CBLB: variants seen among roughly 807,000 people sequenced by gnomAD.
CBLB encodes Cbl proto-oncogene B, also known as E3 ubiquitin-protein ligase CBL-B.
A neutral mutation model predicts 104.9 loss-of-function variants in CBLB; 31 were observed. The observed-to-expected ratio is 0.30, with a 90% CI of 0.22 to 0.40. The LOEUF (loss-of-function observed/expected upper bound fraction) is 0.40, where lower values mean the gene tolerates loss of function less well. Ranked by LOEUF, CBLB falls within the 10% of genes least tolerant of loss-of-function variation. The probability of loss-of-function intolerance (pLI) is 1.00; values close to 1 mark genes in which losing one functional copy is unlikely to be tolerated. For missense variants in CBLB, 1,062 were observed against 1,214.6 expected (o/e 0.87, Z 1.87); for synonymous variants, 440 against 422.6 (o/e 1.04, Z -0.51).
At chr3:105,663,390 G>C (rs1375787617) in intron 18 of CBLB, among the ~76,000 whole-genome samples, 1 of 152,158 alleles carries the variant, frequency 6.6e-6, no homozygotes, top group African/African-American at 2.4e-5. Context: ...GCAGGGATGA[G>C]GAGGTAACGA....
intron 3 of CBLB, among the ~76,000 whole-genome samples, chr3:105,841,723 G>A (rs1294298258): frequency 1.3e-5 from 2 of 152,058 alleles, no homozygotes; most frequent in Non-Finnish European, 2.9e-5. Context: ...AAAGTGCTGG[G>A]ATTACAGGTG....
Position 105,658,316 on chromosome 3 carries a change from T to C in CBLB, c.*654A>G, listed in dbSNP as rs1255071061. Reference sequence around the variant, plus strand: ...AGGCAGTTTATTGACAAATAAATGCTTTATACATTCAGGTTTTTCCCATCT... The same window carrying C: ...AGGCAGTTTATTGACAAATAAATGCCTTATACATTCAGGTTTTTCCCATCT... On this transcript the variant is annotated 3_prime_UTR_variant, in exon 19 of 19. Transcript: ENST00000394030. 3 of 221,880 alleles carry C rather than the reference T, an allele frequency of 1.4e-5. No homozygotes were observed. Among genetic ancestry groups the C allele is most frequent in the Admixed American group, 5.8e-5 (1 of 17,382 alleles). 13.7% of individuals were successfully genotyped at this position (221,880 alleles called of 1,614,324 possible).
rs187496131 is a variant in CBLB at position 105,809,538 on chromosome 3, G to C, written c.420-32996C>G. On this transcript the variant is annotated intron_variant, in intron 3 of 18. Transcript: ENST00000394030. ...ACATACAGTCTACCAAGAATCACAA[G>C]CAAAACAATAACCTCATTACCATCT... Among the ~76,000 whole-genome samples, 168 of 152,180 alleles carry C rather than the reference G, an allele frequency of 1.1e-3. 1 individual carries two copies. The highest frequency in any genetic ancestry group is 2.8e-3 in the Admixed American group (43 of 15,274).
chr3:105,793,888 ATAAAT>A (rs1279355577), intron 3 of CBLB, among the ~76,000 whole-genome samples: 2 of 152,230 alleles, frequency 1.3e-5, no homozygotes, highest in Non-Finnish European at 2.9e-5. Flanking sequence ...TCTTACAAAA[ATAAAT>A]TAAATATGGC....
At chr3:105,822,445 G>A (rs1010187522) in intron 3 of CBLB, among the ~76,000 whole-genome samples, 7 of 152,058 alleles carry the variant, frequency 4.6e-5, no homozygotes, top group Non-Finnish European at 4.4e-5. Flanking sequence ...TCTCTATTTT[G>A]GGTATTATGA....
chr3:105,811,513 T>C (rs2084290207), intron 3 of CBLB, among the ~76,000 whole-genome samples: 1 of 152,190 alleles, frequency 6.6e-6, no homozygotes, highest in African/African-American at 2.4e-5. Flanking sequence ...CATGCATAAC[T>C]AGAGAAATAT....
chr3:105,713,213 G>A (rs1480194728), intron 10 of CBLB, among the ~76,000 whole-genome samples: 2 of 152,014 alleles, frequency 1.3e-5, no homozygotes, highest in Non-Finnish European at 2.9e-5. Flanking sequence ...TAATCTTAAA[G>A]AGGCAGAGTT....
intron 9 of CBLB, among the ~76,000 whole-genome samples, chr3:105,725,270 T>C (rs1397029264): frequency 1.3e-5 from 2 of 152,200 alleles, no homozygotes; most frequent in Non-Finnish European, 2.9e-5. Flanking sequence ...GTTTTAAACA[T>C]TTGTTGCTTG....
intron 3 of CBLB, among the ~76,000 whole-genome samples, chr3:105,836,630 G>A (rs2088561188): frequency 6.6e-6 from 1 of 152,138 alleles, no homozygotes. Flanking sequence ...GGGCAAATAT[G>A]ACGGTTTCTT....
At chr3:105,791,950 T>A (rs1386739416) in intron 3 of CBLB, among the ~76,000 whole-genome samples, 1 of 152,242 alleles carries the variant, frequency 6.6e-6, no homozygotes, top group Admixed American at 6.5e-5. Context: ...CATTTTCATA[T>A]TTAAGTGTAA....
At chr3:105,785,888 C>G (rs1031867667) in intron 3 of CBLB, among the ~76,000 whole-genome samples, 8 of 151,988 alleles carry the variant, frequency 5.3e-5, no homozygotes, top group African/African-American at 1.9e-4. Flanking sequence ...ATATAGATAC[C>G]TCATAGAAAA....
chr3:105,822,153 G>GCA (rs2085960721), intron 3 of CBLB, among the ~76,000 whole-genome samples: 1 of 151,810 alleles, frequency 6.6e-6, no homozygotes, highest in Non-Finnish European at 1.5e-5. Flanking sequence ...CATATATGGT[G>GCA]CACACACACA....
chr3:105,765,364 A>G (rs2078106042), intron 4 of CBLB, among the ~76,000 whole-genome samples: 1 of 152,182 alleles, frequency 6.6e-6, no homozygotes, highest in Non-Finnish European at 1.5e-5. Flanking sequence ...GCCCCCTGAT[A>G]GTTGCTCACT....
chr3:105,678,882 C>G (rs751065743), intron 16 of CBLB, among the ~76,000 whole-genome samples: 5 of 152,076 alleles, frequency 3.3e-5, no homozygotes, highest in Non-Finnish European at 7.4e-5. Flanking sequence ...CACTTGTAAC[C>G]TTTATAATAT....
At position 105,657,074 on chromosome 3, in the gene CBLB, T is replaced by C. The variant is rs988966951; in HGVS notation, c.*1896A>G. 2 of 226,744 alleles carry C rather than the reference T, an allele frequency of 8.8e-6. No individual in the cohort carries two copies. The highest frequency in any genetic ancestry group is 1.8e-5 in the Non-Finnish European group (2 of 114,100). 14.0% of individuals were successfully genotyped at this position (226,744 alleles called of 1,614,324 possible). ...ACCAGCTCAGAACCATCTGAAAAAA[T>C]TCATACAAAAGCAGAAATTACCCAA... On this transcript the variant is annotated 3_prime_UTR_variant, in exon 19 of 19. Transcript: ENST00000394030.
At chr3:105,663,259 C>T (rs1467977702) in intron 18 of CBLB, among the ~76,000 whole-genome samples, 1 of 152,116 alleles carries the variant, frequency 6.6e-6, no homozygotes, top group South Asian at 2.1e-4. Context: ...AAGGGAAGAA[C>T]CTAGAAATGA....
rs540594513 is a variant in CBLB, at chr3:105,666,074, C to G, written c.2689+4159G>C. Among the ~76,000 whole-genome samples, 5 of 151,640 alleles carry G rather than the reference C, an allele frequency of 3.3e-5. No homozygotes were observed. In the South Asian group the frequency reaches 8.3e-4, roughly 25 times the overall value. On this transcript the variant is annotated intron_variant, in intron 18 of 18. Transcript: ENST00000394030. Reference sequence around the variant, plus strand: ...GTCTCTAAAATACTTAGCAAAGCATCAGGACTATAGTAAATGCTTAACAAA... The same window carrying G: ...GTCTCTAAAATACTTAGCAAAGCATGAGGACTATAGTAAATGCTTAACAAA...
intron 8 of CBLB, among the ~76,000 whole-genome samples, chr3:105,736,399 A>C (rs1474765388): frequency 6.6e-6 from 1 of 152,200 alleles, no homozygotes; most frequent in Non-Finnish European, 1.5e-5. Flanking sequence ...ACCAAATGAA[A>C]TGTTACCTAC....
intron 3 of CBLB, among the ~76,000 whole-genome samples, chr3:105,814,221 T>C (rs2084702217): frequency 6.6e-6 from 1 of 152,156 alleles, no homozygotes. Flanking sequence ...GCTTTATGTT[T>C]ATACGTGCAT....
Sources: gnomAD v4.1 joint callset for allele counts (sites outside exome capture counted in the v4.1 genomes callset) on GRCh38, gnomAD v4.1.1 for gene constraint, MANE v1.5 for transcripts, NCBI Gene and HGNC (gene_info 2026-07-23, HGNC 2026-07-21) for gene names.